The following CC2D2A variants were observed in gnomAD, a reference collection of about 807,000 sequenced individuals.
The protein encoded by CC2D2A is coiled-coil and C2 domain-containing protein 2A.
In CC2D2A, 155 loss-of-function variants were observed where a neutral mutation model predicts 212.9. The ratio of observed to expected loss-of-function variants is 0.73; its 90% CI spans 0.64 to 0.83. The LOEUF (loss-of-function observed/expected upper bound fraction) is 0.83. Among genes scored for constraint, CC2D2A ranks in the 40% least tolerant of loss-of-function variants. The pLI is 0.00. For missense variants in CC2D2A, 1,856 were observed against 1,956.2 expected, an observed-to-expected ratio of 0.95 and a Z score of 0.97; for synonymous variants, 667 against 686.5, an observed-to-expected ratio of 0.97 and a Z score of 0.44.
rs1717597408 is a variant in CC2D2A, at chr4:15,527,857, C to T, written c.1359+201C>T. 2.0e-5 allele frequency among the ~76,000 whole-genome samples: 3 copies of T among 152,294 alleles called. No homozygotes were observed. In the South Asian group the frequency reaches 6.2e-4, roughly 32 times the overall value. On this transcript the variant is annotated intron_variant, in intron 12 of 36. Coordinates refer to ENST00000424120, the MANE Select transcript of CC2D2A (RefSeq NM_001378615.1). ...CATGTGATGTGTACAAATTTATTGG[C>T]ACACACTCGCCCTAAACAGAAGACT... is the stretch of plus-strand genomic sequence containing the variant.
Position 15,568,320 on chromosome 4 carries a change from GACTT to G in CC2D2A, c.3398+540_3398+543del, listed in dbSNP as rs1719992668. 2.6e-5 allele frequency among the ~76,000 whole-genome samples: 4 copies of G among 152,342 alleles called. No individual in the cohort carries two copies. In the South Asian group the frequency reaches 8.3e-4, roughly 32 times the overall value. ...AAACTAAAACCCAAAAAGGGAAGGT[GACTT>G]ACTTAAAGCCACACAGTAAATTAGA... On this transcript the variant is annotated intron_variant, in intron 26 of 36. Transcript: ENST00000424120.
At position 15,480,847 on chromosome 4, in the gene CC2D2A, T is replaced by TCAGCTAC. The variant is rs749785935; in HGVS notation, c.247+21_247+27dup. ...CACGGAGTAAGTGCCCCTCTTCCAT[T>TCAGCTAC]CAGCTACTGCTTGTTAACTGCCTAC... On this transcript the variant is annotated intron_variant, in intron 4 of 36. Transcript: ENST00000424120. The TCAGCTAC allele has an allele frequency of 3.7e-6, 6 of 1,607,686 alleles. No individual in the cohort carries two copies. In the South Asian group the frequency reaches 6.6e-5, roughly 18 times the overall value.
chr4:15,527,753 T>G (rs1717593288), intron 12 of CC2D2A, 97 bp downstream of exon 12: 1 of 857,282 alleles, frequency 1.2e-6, no homozygotes, highest in South Asian at 1.7e-5. Flanking sequence ...TTCATGCCCC[T>G]CTTTCACATG....
chr4:15,578,828 G>A (rs1720526882), intron 29 of CC2D2A, among the ~76,000 whole-genome samples: 1 of 150,870 alleles, frequency 6.6e-6, no homozygotes, highest in Non-Finnish European at 1.5e-5. Flanking sequence ...TTTTAATAGA[G>A]ACAGGGTCCC....
At chr4:15,529,686 T>C (rs1717713963) in intron 13 of CC2D2A, among the ~76,000 whole-genome samples, 1 of 151,716 alleles carries the variant, frequency 6.6e-6, no homozygotes, top group Admixed American at 6.6e-5. Context: ...TTTGCATTTT[T>C]ATTCTATTTT....
At position 15,540,919 on chromosome 4, in the gene CC2D2A, ACAGT is replaced by A; in HGVS notation, c.2092_2095del (p.Ser698GlyfsTer3). On this transcript the variant is annotated frameshift_variant, in exon 17 of 37. Transcript: ENST00000424120. LOFTEE classifies it high-confidence loss of function. ...GTTCAACAACAAGGAGGTGTCCAGG[ACAGT>A]CAGTCGGCCACTAGGAGCAGACTTC... 6.3e-7 allele frequency: 1 copy of A among 1,580,098 alleles called. No individual in the cohort carries two copies. The highest frequency in any genetic ancestry group is 1.2e-5 in the South Asian group (1 of 85,894).
In CC2D2A at chr4:15,516,735, G is replaced by A. The variant is rs897966226; in HGVS notation, c.1128G>A (p.Glu376=). ...CACAGGAGCAGAGCATTAAGGCAGA[G>A]CTTGAAACACTGTATAAAAAGGTAG... is the stretch of plus-strand genomic sequence containing the variant. ...VLTQEQSIKA[E]LETLYKKAVK... is the part of the protein sequence containing the mutation. Residue 376 remains glutamate (E), a synonymous_variant, in exon 11 of 37, where the codon GAG becomes GAA. Coordinates refer to ENST00000424120, the MANE Select transcript of CC2D2A (RefSeq NM_001378615.1). 6.2e-7 allele frequency: 1 copy of A among 1,612,400 alleles called. No homozygotes were observed. The highest frequency in any genetic ancestry group is 2.2e-5 in the East Asian group (1 of 44,840).
At chr4:15,550,035 G>T (rs1718915740) in intron 17 of CC2D2A, among the ~76,000 whole-genome samples, 1 of 152,202 alleles carries the variant, frequency 6.6e-6, no homozygotes. Context: ...ATAAAACACA[G>T]GAAAGAAGCC....
chr4:15,586,216 T>A lies in CC2D2A; in HGVS notation c.4035T>A (p.Gly1345=). The A allele has an allele frequency of 6.2e-7, 1 of 1,608,590 alleles. No individual in the cohort carries two copies. The highest frequency in any genetic ancestry group is 8.5e-7 in the Non-Finnish European group (1 of 1,176,410). ...IPFLPDTVSF[G]GICDLWSTSD... ...TCTTGCCTGACACTGTCTCATTTGG[T>A]GGTATCTGTGACCTCTGGAGCACAT... Residue 1345 remains glycine (G), a synonymous_variant, in exon 31 of 37, where the codon GGT becomes GGA. Coordinates refer to ENST00000424120, the MANE Select transcript of CC2D2A (RefSeq NM_001378615.1).
intron 24 of CC2D2A, among the ~76,000 whole-genome samples, chr4:15,565,009 T>C (rs1441408948): frequency 1.3e-5 from 2 of 152,152 alleles, no homozygotes; most frequent in Non-Finnish European, 2.9e-5. Context: ...TGTCTTTACA[T>C]TTTTTAACTA....
chr4:15,570,321 C>A, intron 27 of CC2D2A, 77 bp from the exon 28 acceptor site: 1 of 851,762 alleles, frequency 1.2e-6, no homozygotes, highest in Non-Finnish European at 1.9e-6. Context: ...TAAAATCTTG[C>A]TGCTTTCCTG....
intron 2 of CC2D2A, 123 bp from the exon 3 acceptor site, chr4:15,478,600 C>A: frequency 3.0e-6 from 2 of 671,100 alleles, no homozygotes; most frequent in South Asian, 2.0e-5. Context: ...AACTGTCCCC[C>A]AACTCACACT....
chr4:15,482,175 A>C (rs1287063279), intron 4 of CC2D2A: 5 of 985,262 alleles, frequency 5.1e-6, no homozygotes, highest in Non-Finnish European at 3.6e-6. Flanking sequence ...AAGCAAGTAG[A>C]CTCTTAGATT....
chr4:15,570,932 G>A (rs1054264629), intron 28 of CC2D2A, among the ~76,000 whole-genome samples: 1 of 152,002 alleles, frequency 6.6e-6, no homozygotes, highest in African/African-American at 2.4e-5. Context: ...TTCTTTGTGC[G>A]ATACATCCTT....
chr4:15,491,228 C>A (rs1475993629), intron 4 of CC2D2A, among the ~76,000 whole-genome samples: 1 of 152,074 alleles, frequency 6.6e-6, no homozygotes, highest in Non-Finnish European at 1.5e-5. Context: ...TATGAAAGTT[C>A]CAGTTTCTCC....
At chr4:15,499,259 G>T (rs1577326904) in intron 4 of CC2D2A, among the ~76,000 whole-genome samples, 1 of 152,132 alleles carries the variant, frequency 6.6e-6, no homozygotes, top group Non-Finnish European at 1.5e-5. Context: ...GCAAACTATG[G>T]GTTTTGGGTG....
At chr4:15,477,572 A>G (rs1714312057) in intron 2 of CC2D2A, among the ~76,000 whole-genome samples, 1 of 152,072 alleles carries the variant, frequency 6.6e-6, no homozygotes, top group African/African-American at 2.4e-5. Flanking sequence ...AAAACTTAGA[A>G]TTGAATTAAA....
At chr4:15,499,584 T>C (rs1290018430) in intron 4 of CC2D2A, among the ~76,000 whole-genome samples, 2 of 152,194 alleles carry the variant, frequency 1.3e-5, no homozygotes, top group Non-Finnish European at 2.9e-5. Flanking sequence ...ATAAAATATC[T>C]TGTCTCTCTT....
intron 11 of CC2D2A, among the ~76,000 whole-genome samples, chr4:15,517,104 C>A (rs141964949): frequency 0.014 from 2,137 of 151,916 alleles, 50 homozygotes; most frequent in African/African-American, 0.049. Flanking sequence ...CCCGCCACCT[C>A]GCCCGGCTAA....
Sources: gnomAD v4.1 joint callset for allele counts (sites outside exome capture counted in the v4.1 genomes callset) on GRCh38, gnomAD v4.1.1 for gene constraint, MANE v1.5 for transcripts, NCBI Gene and HGNC (gene_info 2026-07-23, HGNC 2026-07-21) for gene names.